The following NF1 variants were observed in gnomAD, a reference collection of about 807,000 sequenced individuals.
NF1 encodes neurofibromin 1.
A neutral mutation model predicts 325.7 loss-of-function variants in NF1; 122 were observed. The ratio of observed to expected loss-of-function variants is 0.37; its 90% CI spans 0.32 to 0.44. The LOEUF (loss-of-function observed/expected upper bound fraction) is 0.44. Ranked by LOEUF, NF1 falls within the 20% of genes least tolerant of loss-of-function variation. The pLI is 1.00. For missense variants in NF1, 2,140 were observed against 3,415.4 expected (o/e 0.63, Z 9.31); for synonymous variants, 1,091 against 1,186.0 (o/e 0.92, Z 1.65).
rs139522141 is a variant in NF1 at position 31,241,452 on chromosome 17, TA to T, written c.3974+5435del. On this transcript the variant is annotated intron_variant, in intron 29 of 57. Transcript: ENST00000358273. ...TTCTTCCTTCCTGCCTTCCCTTTAG[TA>T]AAAGTGATTTTCACAGATGATATGT... 4.5e-3 allele frequency among the ~76,000 whole-genome samples: 683 copies of T among 152,322 alleles called. 7 individuals are homozygous for T. Among genetic ancestry groups the T allele is most frequent in the African/African-American group, 0.016 (652 of 41,564 alleles).
rs2070212547 is a variant in NF1 at position 31,353,961 on chromosome 17, C to A, written c.7615+1547C>A. ...TAGGTGTGTTACTGTTGTTTGAGTT[C>A]CCTTCTGTTAGTACCTTGCCATAAA... On this transcript the variant is annotated intron_variant, in intron 51 of 57. Transcript: ENST00000358273. 2.0e-5 allele frequency among the ~76,000 whole-genome samples: 3 copies of A among 152,164 alleles called. No homozygotes were observed. The South Asian group carries it at 6.2e-4, about 32-fold the overall frequency.
chr17:31,296,395 A>G lies in NF1; in HGVS notation c.4836-29425A>G. The G allele has an allele frequency of 5.0e-6, 8 of 1,594,606 alleles. No homozygotes were observed. The Middle Eastern group carries it at 7.2e-4, about 144-fold the overall frequency. ...ATGCAAATACAGTTTAGGCATCTGC[A>G]TGGGTCAGTTAGCATTAGGCAAAAT... On this transcript the variant is annotated intron_variant, in intron 36 of 57. Transcript: ENST00000358273.
intron 25 of NF1, among the ~76,000 whole-genome samples, 172 bp downstream of exon 25, chr17:31,232,361 C>T (rs878916721): frequency 6.6e-6 from 1 of 151,468 alleles, no homozygotes; most frequent in Non-Finnish European, 1.5e-5. Flanking sequence ...ATAATAAAAC[C>T]CAGATTGCTT....
At chr17:31,156,808 T>C (rs529937700) in intron 2 of NF1, among the ~76,000 whole-genome samples, 2 of 152,296 alleles carry the variant, frequency 1.3e-5, no homozygotes, top group South Asian at 2.1e-4. Context: ...TTTGAACATA[T>C]AACATCTTTT....
intron 25 of NF1, 30 bp downstream of exon 25, chr17:31,232,219 C>A (rs1330189918): frequency 2.1e-6 from 3 of 1,399,168 alleles, no homozygotes; most frequent in Non-Finnish European, 3.0e-6. Context: ...AAACATAAAG[C>A]AAAAAGCAAA....
chr17:31,156,462 G>GGCT (rs1249330709), intron 2 of NF1, among the ~76,000 whole-genome samples: 5 of 152,050 alleles, frequency 3.3e-5, no homozygotes, highest in Non-Finnish European at 5.9e-5. Flanking sequence ...TGGCCTACAC[G>GGCT]AATTGACCAC....
intron 1 of NF1, among the ~76,000 whole-genome samples, chr17:31,132,910 A>G (rs771055061): frequency 2.0e-5 from 3 of 152,064 alleles, no homozygotes; most frequent in Non-Finnish European, 4.4e-5. Context: ...CAGGTGATCC[A>G]CCTGCTTCGG....
chr17:31,371,247 C>T (rs2070632174), intron 57 of NF1, among the ~76,000 whole-genome samples: 4 of 152,000 alleles, frequency 2.6e-5, no homozygotes, highest in Admixed American at 1.3e-4. Context: ...CTTCTCAGTG[C>T]CTTTACTCAG....
At chr17:31,206,538 A>G (rs1211982016) in intron 12 of NF1, among the ~76,000 whole-genome samples, 167 bp downstream of exon 12, 1 of 152,044 alleles carries the variant, frequency 6.6e-6, no homozygotes, top group Non-Finnish European at 1.5e-5. Flanking sequence ...ATACTAGATT[A>G]TGTTTGTTTT....
chr17:31,331,913 A>T (rs1252549664), intron 39 of NF1: 32 of 132,694 alleles, frequency 2.4e-4, no homozygotes, highest in Non-Finnish European at 4.6e-4. Flanking sequence ...TTAAAAAAAA[A>T]AAAAAAAAAA....
intron 37 of NF1, 127 bp downstream of exon 37, chr17:31,326,379 G>A: frequency 2.2e-6 from 2 of 924,486 alleles, no homozygotes; most frequent in Non-Finnish European, 1.6e-6. Context: ...CTGTCGCGGT[G>A]GCTCACGCCT....
chr17:31,278,493 CTTTTTTTTT>C (rs200450821), intron 36 of NF1, among the ~76,000 whole-genome samples: 108 of 15,272 alleles, frequency 7.1e-3, no homozygotes, highest in East Asian at 0.013. Context: ...GTAATTGAAG[CTTTTTTTTT>C]TTTTTTTTTT....
intron 30 of NF1, chr17:31,250,163 T>A (rs2067470830): frequency 6.0e-6 from 2 of 334,484 alleles, no homozygotes; most frequent in Non-Finnish European, 1.2e-5. Flanking sequence ...ACCTTGTCTC[T>A]CTTAATTTAT....
chr17:31,159,555 A>G (rs750292744), intron 3 of NF1, among the ~76,000 whole-genome samples: 5 of 152,192 alleles, frequency 3.3e-5, no homozygotes, highest in Non-Finnish European at 7.3e-5. Context: ...CCTTGAGAAC[A>G]CTTGTTTTAT....
intron 13 of NF1, among the ~76,000 whole-genome samples, chr17:31,215,288 A>G (rs1386722800): frequency 6.6e-6 from 1 of 152,122 alleles, no homozygotes; most frequent in Non-Finnish European, 1.5e-5. Flanking sequence ...GCTAGTAGTC[A>G]GTTATTGTCA....
At chr17:31,270,958 T>TGTGA in intron 36 of NF1, among the ~76,000 whole-genome samples, 1 of 152,224 alleles carries the variant, frequency 6.6e-6, no homozygotes, top group Non-Finnish European at 1.5e-5. Flanking sequence ...ATTTATATAT[T>TGTGA]TAACAGGCAC....
chr17:31,105,744 C>T (rs920324445), intron 1 of NF1, among the ~76,000 whole-genome samples: 1 of 152,130 alleles, frequency 6.6e-6, no homozygotes, highest in Admixed American at 6.5e-5. Context: ...GAACTCCCAA[C>T]CTCAGGTGAT....
intron 8 of NF1, among the ~76,000 whole-genome samples, chr17:31,190,406 G>A (rs1403316935): frequency 6.6e-6 from 1 of 152,148 alleles, no homozygotes; most frequent in Non-Finnish European, 1.5e-5. Context: ...ACATACGTAG[G>A]GTGGTGGTGG....
At chr17:31,177,631 A>G (rs2066047772) in intron 5 of NF1, among the ~76,000 whole-genome samples, 1 of 152,098 alleles carries the variant, frequency 6.6e-6, no homozygotes, top group Non-Finnish European at 1.5e-5. Context: ...AAAAAAGGTT[A>G]GACGAATTGC....
Sources: allele counts gnomAD v4.1 joint callset (sites outside exome capture counted in the v4.1 genomes callset), GRCh38; gene constraint gnomAD v4.1.1; transcripts MANE v1.5; gene names NCBI Gene and HGNC (gene_info 2026-07-23, HGNC 2026-07-21).